SPECC1: variants seen among roughly 807,000 people sequenced by gnomAD.
SPECC1 encodes the protein cytospin-B.
A neutral mutation model predicts 104.1 loss-of-function variants in SPECC1; 62 were observed. The observed-to-expected ratio is 0.60, with a 90% CI of 0.49 to 0.74. SPECC1 has a LOEUF of 0.74. SPECC1 is among the 30% of genes least tolerant of loss of function. The pLI, the probability that SPECC1 is intolerant of heterozygous loss-of-function variation, is 0.00. For synonymous variants in SPECC1, 513 were observed against 501.6 expected (o/e 1.02, Z -0.30); for missense variants, 1,306 against 1,310.5 (o/e 1.00, Z 0.05).
intron 3 of SPECC1, among the ~76,000 whole-genome samples, chr17:20,138,305 C>G (rs1411382444): frequency 6.6e-6 from 1 of 152,078 alleles, no homozygotes; most frequent in Non-Finnish European, 1.5e-5. Context: ...CCCTCTGCCC[C>G]CACACATGTA....
intron 3 of SPECC1, among the ~76,000 whole-genome samples, chr17:20,140,088 C>T (rs1191908497): frequency 6.6e-6 from 1 of 152,200 alleles, no homozygotes; most frequent in Non-Finnish European, 1.5e-5. Flanking sequence ...CTTACTCTCT[C>T]GTCCTATGTG....
At chr17:20,147,721 A>G (rs2152564722) in intron 3 of SPECC1, among the ~76,000 whole-genome samples, 1 of 152,296 alleles carries the variant, frequency 6.6e-6, no homozygotes, top group Non-Finnish European at 1.5e-5. Context: ...TTTACTAATT[A>G]AAGTTTAATC....
chr17:20,087,340 C>G (rs775806889), intron 1 of SPECC1, among the ~76,000 whole-genome samples: 6 of 152,204 alleles, frequency 3.9e-5, no homozygotes, highest in Admixed American at 1.3e-4. Context: ...GCTTACACAT[C>G]AGCATGAATG....
chr17:20,044,543 A>G (rs1052113514), intron 1 of SPECC1, among the ~76,000 whole-genome samples: 2 of 152,222 alleles, frequency 1.3e-5, no homozygotes, highest in Non-Finnish European at 2.9e-5. Flanking sequence ...ATTAAGATAT[A>G]ATAAGAAAAA....
At chr17:20,048,136 CTTT>C (rs543097038) in intron 1 of SPECC1, among the ~76,000 whole-genome samples, 3 of 139,856 alleles carry the variant, frequency 2.1e-5, no homozygotes, top group African/African-American at 2.6e-5. Context: ...AGAAATGAGT[CTTT>C]TTTTTTTTTT....
rs776205288 is a variant in SPECC1 at position 20,194,580 on chromosome 17, C to T, written c.284-9753C>T. Among the ~76,000 whole-genome samples, 190 of 137,316 alleles carry T rather than the reference C, an allele frequency of 1.4e-3. 1 individual carries two copies. Among genetic ancestry groups the T allele is most frequent in the Non-Finnish European group, 1.1e-3 (71 of 66,484 alleles). 90.1% of individuals were successfully genotyped at this position (137,316 alleles called of 152,430 possible). On this transcript the variant is annotated intron_variant, in intron 3 of 14. Coordinates refer to ENST00000395527, the MANE Select transcript of SPECC1 (RefSeq NM_001243439.2). ...GGAGTGCAGTGACATGATCTTGGCT[C>T]ACTGCAACCTCTGCCTCCCAGGTTC... is the stretch of plus-strand genomic sequence containing the variant.
At chr17:20,142,814 A>C (rs2030979125) in intron 3 of SPECC1, among the ~76,000 whole-genome samples, 1 of 141,610 alleles carries the variant, frequency 7.1e-6, no homozygotes, top group African/African-American at 2.7e-5. Context: ...ACACAGTGAA[A>C]GCCTATCTTT....
chr17:20,077,454 T>TTTTG, intron 1 of SPECC1, among the ~76,000 whole-genome samples: 1 of 149,558 alleles, frequency 6.7e-6, no homozygotes, highest in Admixed American at 6.6e-5. Context: ...TGTGGCTTTT[T>TTTTG]TTTGTTTGTT....
chr17:20,199,120 T>C (rs913767766), intron 3 of SPECC1, among the ~76,000 whole-genome samples: 2 of 137,604 alleles, frequency 1.5e-5, no homozygotes, highest in Non-Finnish European at 3.1e-5. Flanking sequence ...AGAGTCTTAC[T>C]CTGTTGCCCA....
In SPECC1 at chr17:20,047,508, G is replaced by T. The variant is rs140610626; in HGVS notation, c.-22+38084G>T. ...TACTCAATTTCAGGAAAGTTTTCCG[G>T]TGTTATATCTTAAATTTTCTTTTCC... On this transcript the variant is annotated intron_variant, in intron 1 of 14. Transcript: ENST00000395527. Among the ~76,000 whole-genome samples the T allele has an allele frequency of 2.4e-3, 361 of 152,238 alleles. 2 individuals are homozygous for T. Among genetic ancestry groups the T allele is most frequent in the African/African-American group, 8.4e-3 (351 of 41,550 alleles).
intron 1 of SPECC1, among the ~76,000 whole-genome samples, chr17:20,087,244 T>G (rs1192073832): frequency 1.3e-5 from 2 of 152,178 alleles, no homozygotes; most frequent in Non-Finnish European, 2.9e-5. Context: ...ACCAAAAGTT[T>G]TAAAAGCCAT....
intron 11 of SPECC1, among the ~76,000 whole-genome samples, chr17:20,257,888 C>A (rs2039890731): frequency 6.6e-6 from 1 of 152,148 alleles, no homozygotes; most frequent in Non-Finnish European, 1.5e-5. Context: ...GTGTTTCTGC[C>A]AAGGGCTCTA....
Position 20,260,235 on chromosome 17 carries a change from G to T in SPECC1, c.2881G>T (p.Gly961Cys), listed in dbSNP as rs749841113. ...DPLAALAREY[G>C]GSKRNALLKW... Reference sequence around the variant, plus strand: ...TCTGGCAGCCTTGGCCCGGGAATACGGTGGTTCCAAGCGCAATGCTCTACT... The same window carrying T: ...TCTGGCAGCCTTGGCCCGGGAATACTGTGGTTCCAAGCGCAATGCTCTACT... Residue 961 changes from glycine to cysteine, a missense_variant, in exon 12 of 15, where the codon GGT (glycine) becomes TGT (cysteine). Coordinates refer to ENST00000395527, the MANE Select transcript of SPECC1 (RefSeq NM_001243439.2). 2 of 1,613,994 alleles carry T rather than the reference G, an allele frequency of 1.2e-6. No homozygotes were observed.
At chr17:20,249,201 C>T (rs1389886043) in intron 9 of SPECC1, among the ~76,000 whole-genome samples, 2 of 152,060 alleles carry the variant, frequency 1.3e-5, no homozygotes. Flanking sequence ...AGGCAGATCA[C>T]GAGGTCAGGA....
intron 13 of SPECC1, among the ~76,000 whole-genome samples, chr17:20,300,328 A>G (rs556796746): frequency 7.9e-5 from 12 of 152,288 alleles, no homozygotes; most frequent in African/African-American, 1.7e-4. Context: ...GGTGTCATCT[A>G]TGCATTTATT....
chr17:20,222,326 T>A (rs2037931635), intron 4 of SPECC1, among the ~76,000 whole-genome samples: 1 of 152,004 alleles, frequency 6.6e-6, no homozygotes, highest in African/African-American at 2.4e-5. Context: ...AGAGCGAGAT[T>A]GTGTCTCGAA....
chr17:20,101,882 T>G (rs183250555), intron 2 of SPECC1, among the ~76,000 whole-genome samples: 2 of 152,256 alleles, frequency 1.3e-5, no homozygotes, highest in Non-Finnish European at 2.9e-5. Context: ...ATGTTATGTC[T>G]GATGATTTTA....
intron 1 of SPECC1, among the ~76,000 whole-genome samples, chr17:20,023,523 A>G (rs7218708): frequency 0.41 from 62,426 of 151,884 alleles, 13,959 homozygotes; most frequent in Non-Finnish European, 0.5. Flanking sequence ...ACAATTGGGC[A>G]GCAGGGGTTG....
chr17:20,087,901 T>A (rs2047238629), intron 1 of SPECC1, among the ~76,000 whole-genome samples: 1 of 152,074 alleles, frequency 6.6e-6, no homozygotes, highest in South Asian at 2.1e-4. Flanking sequence ...GAAAGACGCC[T>A]CCTAGAGGAA....
Sources: allele counts gnomAD v4.1 joint callset (sites outside exome capture counted in the v4.1 genomes callset), GRCh38; gene constraint gnomAD v4.1.1; transcripts MANE v1.5; gene names NCBI Gene and HGNC (gene_info 2026-07-23, HGNC 2026-07-21).